SHC3: variants seen among roughly 807,000 people sequenced by gnomAD.
The protein encoded by SHC3 is SHC-transforming protein 3.
SHC3 carries 15 observed loss-of-function variants against 60.4 expected under a neutral mutation model. The ratio of observed to expected loss-of-function variants is 0.25; its 90% CI spans 0.17 to 0.38. The LOEUF is 0.38. Ranked by LOEUF, SHC3 falls within the 10% of genes least tolerant of loss-of-function variation. The pLI, the probability that SHC3 is intolerant of heterozygous loss-of-function variation, is 1.00. For synonymous variants in SHC3, 294 were observed against 325.9 expected, an observed-to-expected ratio of 0.90 and a Z score of 1.05; for missense variants, 677 against 786.1, an observed-to-expected ratio of 0.86 and a Z score of 1.66.
intron 11 of SHC3, among the ~76,000 whole-genome samples, chr9:89,020,715 T>C (rs1826186882): frequency 6.6e-6 from 1 of 151,906 alleles, no homozygotes. Context: ...CCTCAGTATG[T>C]GGGTGTTGTG....
chr9:89,045,306 G>A (rs1323194885), intron 9 of SHC3, among the ~76,000 whole-genome samples: 2 of 149,844 alleles, frequency 1.3e-5, no homozygotes, highest in Non-Finnish European at 3.0e-5. Context: ...TTGAGATGGG[G>A]TTTTGCTGTT....
chr9:89,067,652 G>C (rs1029958582), intron 5 of SHC3, among the ~76,000 whole-genome samples: 2 of 152,194 alleles, frequency 1.3e-5, no homozygotes, highest in African/African-American at 2.4e-5. Context: ...TGGAAGAATT[G>C]AGTCATCCAG....
intron 2 of SHC3, among the ~76,000 whole-genome samples, chr9:89,107,711 T>C (rs1449518137): frequency 6.6e-6 from 1 of 151,432 alleles, no homozygotes; most frequent in African/African-American, 2.4e-5. Flanking sequence ...ACCACCCAAA[T>C]GCACAGGGAT....
At chr9:89,157,441 C>G (rs1366349945) in intron 1 of SHC3, among the ~76,000 whole-genome samples, 1 of 152,180 alleles carries the variant, frequency 6.6e-6, no homozygotes, top group African/African-American at 2.4e-5. Context: ...ACAAATGAGC[C>G]CTGCAGATAC....
intron 3 of SHC3, among the ~76,000 whole-genome samples, chr9:89,076,292 C>T (rs989874888): frequency 6.6e-6 from 1 of 152,178 alleles, no homozygotes; most frequent in African/African-American, 2.4e-5. Context: ...ATTCAGAGTT[C>T]TCTTCCGAAA....
At chr9:89,067,380 T>A (rs1043430520) in intron 5 of SHC3, among the ~76,000 whole-genome samples, 7 of 152,192 alleles carry the variant, frequency 4.6e-5, no homozygotes, top group Non-Finnish European at 8.8e-5. Context: ...TTTTAAAAAA[T>A]TTTTATTTTC....
At chr9:89,177,056 G>T (rs762772686) in intron 1 of SHC3, among the ~76,000 whole-genome samples, 8 of 152,152 alleles carry the variant, frequency 5.3e-5, no homozygotes, top group Non-Finnish European at 1.2e-4. Flanking sequence ...GGAGTGGCAG[G>T]ATTGAAATAC....
At chr9:89,122,453 G>A (rs1374161460) in intron 1 of SHC3, among the ~76,000 whole-genome samples, 1 of 152,102 alleles carries the variant, frequency 6.6e-6, no homozygotes, top group African/African-American at 2.4e-5. Flanking sequence ...GGGCTGAATG[G>A]AAAAAAACAA....
intron 2 of SHC3, among the ~76,000 whole-genome samples, chr9:89,102,532 G>A (rs757765750): frequency 1.1e-4 from 17 of 152,046 alleles, no homozygotes; most frequent in Admixed American, 3.3e-4. Flanking sequence ...CCAAAATAGC[G>A]TTTTCAATAT....
At chr9:89,171,979 C>G (rs1826875359) in intron 1 of SHC3, among the ~76,000 whole-genome samples, 1 of 152,228 alleles carries the variant, frequency 6.6e-6, no homozygotes, top group Non-Finnish European at 1.5e-5. Flanking sequence ...GCCAGAGGTG[C>G]CATCCAGAGC....
At chr9:89,018,137 C>T (rs1014948770) in intron 11 of SHC3, among the ~76,000 whole-genome samples, 1 of 152,192 alleles carries the variant, frequency 6.6e-6, no homozygotes, top group Admixed American at 6.5e-5. Flanking sequence ...AATTCCATTA[C>T]TGGGTATATA....
chr9:89,026,254 CAAAAAAAAA>C (rs67891062), intron 11 of SHC3, among the ~76,000 whole-genome samples: 5 of 102,154 alleles, frequency 4.9e-5, no homozygotes, highest in African/African-American at 1.9e-4. Flanking sequence ...AACTACATCT[CAAAAAAAAA>C]AAAAAAAAAA....
intron 2 of SHC3, among the ~76,000 whole-genome samples, chr9:89,086,990 G>A (rs149957881): frequency 4.5e-4 from 69 of 151,972 alleles, no homozygotes; most frequent in South Asian, 1.5e-3. Context: ...ACATACATAC[G>A]TGGCCCATGG....
intron 7 of SHC3, among the ~76,000 whole-genome samples, chr9:89,049,921 G>A (rs951908038): frequency 6.6e-6 from 1 of 151,990 alleles, no homozygotes; most frequent in East Asian, 1.9e-4. Flanking sequence ...TGGAGTCACC[G>A]AGTCTACTCT....
Position 89,126,644 on chromosome 9 carries a change from C to G in SHC3, c.475-14018G>C, listed in dbSNP as rs760841569. ...TTCTCTGGTCTCCCTGGGGTCCTCA[C>G]TTTCCCCACCCTTGATGCAGGGAAT... On this transcript the variant is annotated intron_variant, in intron 1 of 11. Coordinates refer to ENST00000375835, the MANE Select transcript of SHC3 (RefSeq NM_016848.6). Among the ~76,000 whole-genome samples the G allele has an allele frequency of 2.1e-4, 32 of 152,180 alleles. 1 individual carries two copies. Among genetic ancestry groups the G allele is most frequent in the Admixed American group, 2.0e-4 (3 of 15,276 alleles).
chr9:89,155,634 C>A (rs2182938), intron 1 of SHC3, among the ~76,000 whole-genome samples: 2 of 152,276 alleles, frequency 1.3e-5, no homozygotes, highest in East Asian at 1.9e-4. Flanking sequence ...GAAGAAATAC[C>A]AGCTGCCGAC....
intron 2 of SHC3, among the ~76,000 whole-genome samples, chr9:89,079,077 C>T (rs909235404): frequency 1.3e-5 from 2 of 152,190 alleles, no homozygotes; most frequent in African/African-American, 2.4e-5. Context: ...GGGAAGGAAA[C>T]ATTTTCCTAA....
chr9:89,037,524 T>A, intron 11 of SHC3: 2 of 717,224 alleles, frequency 2.8e-6, no homozygotes, highest in Non-Finnish European at 5.2e-6. Context: ...AGGAGTTACT[T>A]CTCTAAACGG....
chr9:89,129,092 G>A (rs953640377), intron 1 of SHC3, among the ~76,000 whole-genome samples: 5 of 152,252 alleles, frequency 3.3e-5, no homozygotes, highest in South Asian at 2.1e-4. Flanking sequence ...ACCATGGCAC[G>A]AGAACTACGT....
Sources: gnomAD v4.1 joint callset for allele counts (sites outside exome capture counted in the v4.1 genomes callset) on GRCh38, gnomAD v4.1.1 for gene constraint, MANE v1.5 for transcripts, NCBI Gene and HGNC (gene_info 2026-07-23, HGNC 2026-07-21) for gene names.